Variants in RPS6KA3 observed in about 807,000 individuals in gnomAD.
RPS6KA3 encodes ribosomal protein S6 kinase alpha-3.
Under a neutral mutation model 67.2 loss-of-function variants are expected in RPS6KA3, and 4 were observed. The ratio of observed to expected loss-of-function variants is 0.06; its 90% CI spans 0.03 to 0.14. The LOEUF (loss-of-function observed/expected upper bound fraction) is 0.14. Ranked by LOEUF, RPS6KA3 falls within the 10% of genes least tolerant of loss-of-function variation. The pLI is 1.00. For missense variants in RPS6KA3, 204 were observed against 559.0 expected, an observed-to-expected ratio of 0.36 and a Z score of 6.40; for synonymous variants, 182 against 183.7, an observed-to-expected ratio of 0.99 and a Z score of 0.07.
chrX:20,167,454 G>C (rs2067469328), intron 17 of RPS6KA3, 135 bp downstream of exon 17: 5 of 584,647 alleles, frequency 8.6e-6, no homozygotes, highest in Non-Finnish European at 1.5e-5. Context: ...TTTATATAGA[G>C]GAAGGTCAGT....
rs779752824 is a variant in RPS6KA3 at position 20,163,490 on chromosome X, A to C, written c.1765-450T>G. Among the ~76,000 whole-genome samples the C allele has an allele frequency of 3.6e-5, 4 of 110,613 alleles. No homozygotes were observed. In the East Asian group the frequency reaches 8.6e-4, roughly 24 times the overall value. ...GATTTCCCCCCCAAAAAAAAATCTG[A>C]TGGGAAATAAACATATAAATAGTTA... On this transcript the variant is annotated intron_variant, in intron 18 of 21. Coordinates refer to ENST00000379565, the MANE Select transcript of RPS6KA3 (RefSeq NM_004586.3).
intron 18 of RPS6KA3, among the ~76,000 whole-genome samples, chrX:20,164,603 T>G (rs1282080329): frequency 9.1e-6 from 1 of 109,938 alleles, no homozygotes; most frequent in Non-Finnish European, 1.9e-5. Context: ...CAGGCTGGTC[T>G]GAAACTCCTG....
chrX:20,221,519 A>G (rs780830952), intron 2 of RPS6KA3, among the ~76,000 whole-genome samples: 1 of 112,054 alleles, frequency 8.9e-6, no homozygotes, highest in South Asian at 3.7e-4. Flanking sequence ...CATACTACAC[A>G]TAGTATCACT....
At chrX:20,170,876 G>A (rs2067556161) in intron 15 of RPS6KA3, among the ~76,000 whole-genome samples, 1 of 111,127 alleles carries the variant, frequency 9.0e-6, no homozygotes, top group Non-Finnish European at 1.9e-5. Context: ...CTGAGCTCAA[G>A]CAATCCTTCC....
chrX:20,170,287 T>C (rs2067541441), intron 15 of RPS6KA3, among the ~76,000 whole-genome samples: 1 of 112,147 alleles, frequency 8.9e-6, no homozygotes, highest in Admixed American at 9.5e-5. Flanking sequence ...GTATGTTCAA[T>C]TTTAAACAGC....
At chrX:20,237,294 TA>T (rs2069436333) in intron 1 of RPS6KA3, among the ~76,000 whole-genome samples, 1 of 111,530 alleles carries the variant, frequency 9.0e-6, no homozygotes, top group African/African-American at 3.3e-5. Flanking sequence ...TATCTTTCTG[TA>T]ACACAGACTT....
chrX:20,178,781 A>G (rs192660472), intron 10 of RPS6KA3, among the ~76,000 whole-genome samples: 22 of 107,526 alleles, frequency 2.0e-4, no homozygotes, highest in Admixed American at 1.9e-3. Flanking sequence ...TTTTCTAAGT[A>G]TTTATTTCCA....
chrX:20,188,484 A>G lies in RPS6KA3; in HGVS notation c.631+13T>C, dbSNP rs747824409. ...GAGAAAATATTTTAATAAAACGAGG[A>G]TTTTTTTTTTACCTGTTAACTTGAT... On this transcript the variant is annotated intron_variant, in intron 8 of 21. Coordinates refer to ENST00000379565, the MANE Select transcript of RPS6KA3 (RefSeq NM_004586.3). 74 of 896,382 alleles carry G rather than the reference A, an allele frequency of 8.3e-5. No homozygotes were observed. In the South Asian group the frequency reaches 1.5e-3, roughly 18 times the overall value. 73.9% of individuals were successfully genotyped at this position (896,382 alleles called of 1,213,427 possible).
intron 1 of RPS6KA3, among the ~76,000 whole-genome samples, chrX:20,256,285 C>T (rs1436517491): frequency 9.5e-6 from 1 of 104,908 alleles, no homozygotes. Context: ...TTTTAAATTT[C>T]CTTTTCTTAT....
intron 3 of RPS6KA3, among the ~76,000 whole-genome samples, chrX:20,207,150 T>C (rs763753529): frequency 1.6e-4 from 18 of 111,901 alleles, no homozygotes; most frequent in Admixed American, 2.8e-4. Flanking sequence ...ACTCCTTCAA[T>C]AGACCAGGAA....
chrX:20,253,471 G>A (rs1052543587), intron 1 of RPS6KA3, among the ~76,000 whole-genome samples: 1 of 110,272 alleles, frequency 9.1e-6, no homozygotes, highest in Non-Finnish European at 1.9e-5. Context: ...TGAATTCCCT[G>A]GGTTTTCTTG....
intron 18 of RPS6KA3, among the ~76,000 whole-genome samples, chrX:20,163,951 G>A (rs1204376653): frequency 9.0e-6 from 1 of 111,391 alleles, no homozygotes. Flanking sequence ...TTACAGGCGT[G>A]AACCATGGCA....
At chrX:20,258,757 TCTA>T (rs2070141785) in intron 1 of RPS6KA3, among the ~76,000 whole-genome samples, 1 of 112,477 alleles carries the variant, frequency 8.9e-6, no homozygotes, top group African/African-American at 3.2e-5. Context: ...TGGTTGTAAT[TCTA>T]CTATGACAAG....
At chrX:20,224,081 C>G (rs1364865786) in intron 2 of RPS6KA3, among the ~76,000 whole-genome samples, 1 of 107,994 alleles carries the variant, frequency 9.3e-6, no homozygotes, top group Non-Finnish European at 1.9e-5. Flanking sequence ...TCAGCTGATT[C>G]TCACCAATGA....
intron 20 of RPS6KA3, among the ~76,000 whole-genome samples, chrX:20,157,006 TTAGAGAA>T (rs2067202391): frequency 9.0e-6 from 1 of 111,243 alleles, no homozygotes; most frequent in East Asian, 2.8e-4. Context: ...CCCATGGGCA[TTAGAGAA>T]TAATCAGAAA....
chrX:20,192,279 C>T (rs1416625508), intron 7 of RPS6KA3, among the ~76,000 whole-genome samples: 1 of 110,846 alleles, frequency 9.0e-6, no homozygotes, highest in Non-Finnish European at 1.9e-5. Flanking sequence ...GGGAAATTTG[C>T]TCAGTTCACA....
intron 10 of RPS6KA3, among the ~76,000 whole-genome samples, chrX:20,182,006 T>C (rs1368188877): frequency 8.9e-6 from 1 of 111,873 alleles, no homozygotes; most frequent in African/African-American, 3.2e-5. Context: ...GGTTCAGTGA[T>C]GAAAGTTCAG....
At chrX:20,253,685 G>T (rs1288569046) in intron 1 of RPS6KA3, among the ~76,000 whole-genome samples, 2 of 111,405 alleles carry the variant, frequency 1.8e-5, no homozygotes, top group African/African-American at 6.5e-5. Flanking sequence ...CCACATTATG[G>T]TTGAAAATGT....
chrX:20,210,726 A>C (rs2068691172), intron 2 of RPS6KA3, among the ~76,000 whole-genome samples: 1 of 111,818 alleles, frequency 8.9e-6, no homozygotes, highest in African/African-American at 3.3e-5. Context: ...TTCGGAAACA[A>C]TAATCAAATC....
Sources: allele counts gnomAD v4.1 joint callset (sites outside exome capture counted in the v4.1 genomes callset), GRCh38; gene constraint gnomAD v4.1.1; transcripts MANE v1.5; gene names NCBI Gene and HGNC (gene_info 2026-07-23, HGNC 2026-07-21).